Variants in CAMTA1 observed in about 807,000 individuals in gnomAD.
CAMTA1 encodes the protein calmodulin binding transcription activator 1, also known as calmodulin-binding transcription activator 1.
In CAMTA1, 27 loss-of-function variants were observed where a neutral mutation model predicts 170.9. The observed-to-expected ratio is 0.16, with a 90% CI of 0.12 to 0.22. The LOEUF (loss-of-function observed/expected upper bound fraction) is 0.22, where lower values mean the gene tolerates loss of function less well. Among genes scored for constraint, CAMTA1 ranks in the 10% least tolerant of loss-of-function variants. The pLI, the probability that CAMTA1 is intolerant of heterozygous loss-of-function variation, is 1.00. For missense variants in CAMTA1, 1,619 were observed against 2,217.2 expected, an observed-to-expected ratio of 0.73 and a Z score of 5.42; for synonymous variants, 833 against 891.5, an observed-to-expected ratio of 0.93 and a Z score of 1.17.
intron 7 of CAMTA1, among the ~76,000 whole-genome samples, chr1:7,650,353 CA>C (rs1234218523): frequency 3.3e-5 from 5 of 152,186 alleles, no homozygotes; most frequent in African/African-American, 9.7e-5. Flanking sequence ...AGGCCAGTTA[CA>C]GGGGTAAAGG....
At chr1:7,229,607 G>C in intron 4 of CAMTA1, among the ~76,000 whole-genome samples, 1 of 137,346 alleles carries the variant, frequency 7.3e-6, no homozygotes, top group South Asian at 2.8e-4. Context: ...AGGAGGAGGG[G>C]AGGCTAGGAG....
chr1:6,802,912 T>C lies in CAMTA1; in HGVS notation c.46-17269T>C, dbSNP rs1000652906. Among the ~76,000 whole-genome samples, 2 of 152,166 alleles carry C rather than the reference T, an allele frequency of 1.3e-5. 1 individual carries two copies. The highest frequency in any genetic ancestry group is 4.2e-4 in the South Asian group (2 of 4,818). ...GGCATATGCCACAACGCCCGGCTGATTTTTATGTTTTTAGTAGAGACAGGG... is the reference window on the plus strand; with the variant it reads ...GGCATATGCCACAACGCCCGGCTGACTTTTATGTTTTTAGTAGAGACAGGG... On this transcript the variant is annotated intron_variant, in intron 1 of 22. Coordinates refer to ENST00000303635, the MANE Select transcript of CAMTA1 (RefSeq NM_015215.4).
intron 5 of CAMTA1, among the ~76,000 whole-genome samples, chr1:7,387,717 A>C (rs1191481039): frequency 2.6e-5 from 4 of 152,250 alleles, no homozygotes; most frequent in Admixed American, 6.5e-5. Flanking sequence ...GTTTGGACAC[A>C]GATGGGTAGG....
In CAMTA1 at chr1:7,665,383, G is replaced by C. The variant is rs1003067611; in HGVS notation, c.2652+184G>C. ...TGAACACCTCCGTCTTTCACGCAGTGGTTCTCAAACTTCACTGGGGCAAGT... is the reference window on the plus strand; with the variant it reads ...TGAACACCTCCGTCTTTCACGCAGTCGTTCTCAAACTTCACTGGGGCAAGT... On this transcript the variant is annotated intron_variant, in intron 9 of 22. Transcript: ENST00000303635. The surrounding 1 kb of genome is among the most constrained non-coding windows in gnomAD (Gnocchi z 4.3). Among the ~76,000 whole-genome samples the C allele has an allele frequency of 2.6e-5, 4 of 152,178 alleles. No homozygotes were observed. Among genetic ancestry groups the C allele is most frequent in the African/African-American group, 9.7e-5 (4 of 41,446 alleles).
chr1:6,886,457 T>C (rs1673250423), intron 3 of CAMTA1: 3 of 365,806 alleles, frequency 8.2e-6, no homozygotes, highest in Non-Finnish European at 1.6e-5. Context: ...ATGTCACTCG[T>C]GCTTTCCTTG....
intron 3 of CAMTA1, among the ~76,000 whole-genome samples, chr1:6,920,027 T>A (rs1295299878): frequency 6.6e-6 from 1 of 152,124 alleles, no homozygotes; most frequent in Non-Finnish European, 1.5e-5. Context: ...AAATCAATCA[T>A]GCCATCCCAA....
intron 4 of CAMTA1, among the ~76,000 whole-genome samples, chr1:7,131,243 C>T (rs142189801): frequency 5.8e-4 from 89 of 152,226 alleles, no homozygotes; most frequent in African/African-American, 2.0e-3. Flanking sequence ...CGAGCCACTG[C>T]GCCCGGCCGC....
At chr1:6,915,216 A>G (rs771430386) in intron 3 of CAMTA1, among the ~76,000 whole-genome samples, 12 of 152,232 alleles carry the variant, frequency 7.9e-5, no homozygotes, top group Non-Finnish European at 1.3e-4. Flanking sequence ...AAGTAGTTTC[A>G]TTAAAAAAGA....
At chr1:7,619,648 A>G (rs1257556203) in intron 6 of CAMTA1, among the ~76,000 whole-genome samples, 1 of 151,372 alleles carries the variant, frequency 6.6e-6, no homozygotes, top group Non-Finnish European at 1.5e-5. Flanking sequence ...TTGAGGAGAA[A>G]TTGATTTTTT....
chr1:7,745,784 A>G (rs559840883), intron 17 of CAMTA1, 61 bp from the exon 18 acceptor site: 257 of 1,597,116 alleles, frequency 1.6e-4, no homozygotes, highest in Non-Finnish European at 2.1e-4. Context: ...ATTCATTAAT[A>G]TCTAATGGGT....
At chr1:7,161,603 C>G (rs1163262563) in intron 4 of CAMTA1, among the ~76,000 whole-genome samples, 9 of 152,182 alleles carry the variant, frequency 5.9e-5, no homozygotes, top group African/African-American at 1.9e-4. Flanking sequence ...TGCCTGCTAC[C>G]ATCCATGTAA....
At chr1:7,167,010 C>T (rs1648615076) in intron 4 of CAMTA1, among the ~76,000 whole-genome samples, 1 of 151,960 alleles carries the variant, frequency 6.6e-6, no homozygotes, top group African/African-American at 2.4e-5. Context: ...GGGGTTTCAC[C>T]ATGTTGGCCA....
intron 3 of CAMTA1, among the ~76,000 whole-genome samples, chr1:6,895,472 T>C (rs1675429156): frequency 6.6e-6 from 1 of 152,222 alleles, no homozygotes; most frequent in Admixed American, 6.5e-5. Flanking sequence ...TTGGAATAGA[T>C]TCCCCATGCA....
At chr1:6,923,638 C>G (rs578192239) in intron 3 of CAMTA1, among the ~76,000 whole-genome samples, 2 of 152,226 alleles carry the variant, frequency 1.3e-5, no homozygotes, top group African/African-American at 4.8e-5. Context: ...GGCAGCCACA[C>G]TGGTGGTTTC....
intron 6 of CAMTA1, among the ~76,000 whole-genome samples, chr1:7,470,075 G>T (rs1333972084): frequency 6.6e-6 from 1 of 152,206 alleles, no homozygotes; most frequent in African/African-American, 2.4e-5. Flanking sequence ...TGGCCGAGCT[G>T]GGGCCTCTTC....
chr1:7,734,229 A>G (rs11121012), intron 12 of CAMTA1, among the ~76,000 whole-genome samples: 93,760 of 152,110 alleles, frequency 0.62, 29,118 homozygotes, highest in Middle Eastern at 0.73. Context: ...TTACAGACAT[A>G]AGCCACCGTG....
In CAMTA1 at chr1:6,893,018, C is replaced by T. The variant is rs573643173; in HGVS notation, c.234+67808C>T. Among the ~76,000 whole-genome samples, 9 of 152,052 alleles carry T rather than the reference C, an allele frequency of 5.9e-5. No homozygotes were observed. The South Asian group carries it at 6.2e-4, about 11-fold the overall frequency. On this transcript the variant is annotated intron_variant, in intron 3 of 22. Coordinates refer to ENST00000303635, the MANE Select transcript of CAMTA1 (RefSeq NM_015215.4). ...AGCTGTGGCCGGGCGCGGTGGCTCA[C>T]GCCTGTAATCCCAGCACTTTTGGGA...
intron 3 of CAMTA1, among the ~76,000 whole-genome samples, chr1:6,858,292 G>A (rs1400288430): frequency 3.3e-5 from 5 of 152,060 alleles, no homozygotes; most frequent in Admixed American, 1.3e-4. Flanking sequence ...CAGTAATATA[G>A]TTTACAGAAC....
chr1:7,688,583 GAC>G (rs1169064279), intron 11 of CAMTA1, among the ~76,000 whole-genome samples: 3 of 152,168 alleles, frequency 2.0e-5, no homozygotes, highest in African/African-American at 7.2e-5. Flanking sequence ...GAGAAGAGAA[GAC>G]ACAAGTGCTG....
Sources: allele counts gnomAD v4.1 joint callset (sites outside exome capture counted in the v4.1 genomes callset), GRCh38; gene constraint gnomAD v4.1.1; non-coding constraint Gnocchi (gnomAD v3.1); transcripts MANE v1.5; gene names NCBI Gene and HGNC (gene_info 2026-07-23, HGNC 2026-07-21).